RALYL: variants seen among roughly 807,000 people sequenced by gnomAD.
RALYL encodes the protein RALY RNA binding protein like.
In RALYL, 29 loss-of-function variants were observed where a neutral mutation model predicts 35.1. The observed-to-expected ratio is 0.83, with a 90% CI of 0.61 to 1.13. The LOEUF is 1.13. Among genes scored for constraint, RALYL ranks in the 50% most tolerant of loss-of-function variants. The pLI is 0.00. For missense variants in RALYL, 359 were observed against 360.4 expected (o/e 1.00, Z 0.03); for synonymous variants, 120 against 127.6 (o/e 0.94, Z 0.40).
chr8:84,551,148 C>T (rs1370162961), intron 2 of RALYL, among the ~76,000 whole-genome samples: 1 of 151,418 alleles, frequency 6.6e-6, no homozygotes, highest in African/African-American at 2.4e-5. Context: ...TTGTAATTTT[C>T]TGTTTTATGT....
intron 5 of RALYL, among the ~76,000 whole-genome samples, chr8:84,854,053 T>G (rs1836440043): frequency 6.6e-6 from 1 of 152,118 alleles, no homozygotes; most frequent in African/African-American, 2.4e-5. Context: ...ACAGTAACCA[T>G]TAACAATAAT....
intron 2 of RALYL, among the ~76,000 whole-genome samples, chr8:84,741,714 T>C (rs1285979737): frequency 6.6e-6 from 1 of 152,034 alleles, no homozygotes; most frequent in Non-Finnish European, 1.5e-5. Flanking sequence ...ATCCAAACCA[T>C]GGATATATTT....
chr8:84,541,889 G>C (rs138615085), intron 2 of RALYL, among the ~76,000 whole-genome samples: 11 of 151,956 alleles, frequency 7.2e-5, no homozygotes, highest in Non-Finnish European at 1.3e-4. Flanking sequence ...CTTGATTTGT[G>C]TTTGTATGGT....
chr8:84,376,463 T>G (rs1286971286), intron 1 of RALYL, among the ~76,000 whole-genome samples: 1 of 151,846 alleles, frequency 6.6e-6, no homozygotes, highest in Non-Finnish European at 1.5e-5. Context: ...TACCTGCCTG[T>G]AGCAGAGGCA....
At chr8:84,653,531 A>G (rs144350342) in intron 2 of RALYL, among the ~76,000 whole-genome samples, 100 of 152,088 alleles carry the variant, frequency 6.6e-4, no homozygotes, top group African/African-American at 2.2e-3. Context: ...TCTATTTGGT[A>G]TACTTTTCCC....
intron 5 of RALYL, among the ~76,000 whole-genome samples, chr8:84,857,540 T>G (rs551831068): frequency 2.6e-5 from 4 of 152,324 alleles, no homozygotes; most frequent in African/African-American, 7.2e-5. Flanking sequence ...TTCTTGTGTT[T>G]TAAACCACGT....
intron 2 of RALYL, among the ~76,000 whole-genome samples, chr8:84,589,193 C>T (rs924763396): frequency 2.6e-5 from 4 of 152,122 alleles, no homozygotes; most frequent in Admixed American, 6.6e-5. Flanking sequence ...CCACCACGCC[C>T]GGACTTGTTT....
chr8:84,753,620 A>C (rs2133248598), intron 2 of RALYL, among the ~76,000 whole-genome samples: 1 of 152,234 alleles, frequency 6.6e-6, no homozygotes, highest in Middle Eastern at 3.4e-3. Flanking sequence ...TCATAATAAA[A>C]GTTCTCATGA....
intron 2 of RALYL, among the ~76,000 whole-genome samples, chr8:84,720,405 A>T (rs553342965): frequency 4.6e-5 from 7 of 152,166 alleles, no homozygotes; most frequent in Non-Finnish European, 1.0e-4. Context: ...AGTGGGGAAA[A>T]GACAACCTCT....
intron 1 of RALYL, among the ~76,000 whole-genome samples, chr8:84,231,955 A>C (rs1212655627): frequency 6.6e-6 from 1 of 152,212 alleles, no homozygotes; most frequent in African/African-American, 2.4e-5. Context: ...ATATATAGGT[A>C]TTTAATAAAT....
chr8:84,620,391 C>T (rs1250529090), intron 2 of RALYL, among the ~76,000 whole-genome samples: 1 of 152,036 alleles, frequency 6.6e-6, no homozygotes, highest in East Asian at 1.9e-4. Context: ...CGCATCGGCT[C>T]CTGAGGCTTC....
At chr8:84,887,511 C>A in intron 7 of RALYL, 93 bp from the exon 8 acceptor site, 1 of 1,087,438 alleles carries the variant, frequency 9.2e-7, no homozygotes, top group Admixed American at 2.5e-5. Context: ...TAGCATATAG[C>A]GTTTACCCTT....
intron 1 of RALYL, chr8:84,185,280 T>A (rs1183223484): frequency 1.4e-5 from 7 of 514,024 alleles, no homozygotes; most frequent in Non-Finnish European, 1.4e-5. Flanking sequence ...AGGGGCAGAG[T>A]TTTCCCTCTT....
chr8:84,884,077 A>G (rs565817692), intron 7 of RALYL, among the ~76,000 whole-genome samples: 162 of 152,136 alleles, frequency 1.1e-3, no homozygotes, highest in African/African-American at 3.3e-3. Flanking sequence ...TTCATGTGCA[A>G]GGCATTCAGT....
intron 1 of RALYL, among the ~76,000 whole-genome samples, chr8:84,415,164 T>TG (rs1563881045): frequency 6.8e-6 from 1 of 146,080 alleles, no homozygotes; most frequent in Non-Finnish European, 1.5e-5. Context: ...GCCTCTGTTT[T>TG]TTTTTTTTTT....
At chr8:84,913,588 G>A (rs1847936225) in intron 8 of RALYL, among the ~76,000 whole-genome samples, 1 of 151,898 alleles carries the variant, frequency 6.6e-6, no homozygotes, top group African/African-American at 2.4e-5. Context: ...AACCTGCAGA[G>A]GATATGGCAT....
chr8:84,533,307 G>T (rs1052495830), intron 2 of RALYL, among the ~76,000 whole-genome samples: 7 of 151,920 alleles, frequency 4.6e-5, no homozygotes, highest in African/African-American at 7.3e-5. Context: ...CATTATATGC[G>T]AGATAAAAAC....
At chr8:84,749,681 G>T (rs1257673653) in intron 2 of RALYL, among the ~76,000 whole-genome samples, 1 of 152,204 alleles carries the variant, frequency 6.6e-6, no homozygotes, top group Admixed American at 6.5e-5. Context: ...TCTATGTGAA[G>T]CAGGTTCACT....
chr8:84,791,939 CCTT>C (rs1243940140), intron 3 of RALYL, among the ~76,000 whole-genome samples: 2 of 152,132 alleles, frequency 1.3e-5, no homozygotes, highest in African/African-American at 2.4e-5. Flanking sequence ...GGGTGTGTCT[CCTT>C]CTGTCTGTTC....
Sources: allele counts gnomAD v4.1 joint callset (sites outside exome capture counted in the v4.1 genomes callset), GRCh38; gene constraint gnomAD v4.1.1; transcripts MANE v1.5; gene names NCBI Gene and HGNC (gene_info 2026-07-23, HGNC 2026-07-21).